The following PTPRK variants were observed in gnomAD, a reference collection of about 807,000 sequenced individuals.
PTPRK encodes the protein protein tyrosine phosphatase receptor type K, also known as receptor-type tyrosine-protein phosphatase kappa.
PTPRK carries 75 observed loss-of-function variants against 178.0 expected under a neutral mutation model. That is an observed-to-expected ratio of 0.42 (90% CI 0.35 to 0.51). The LOEUF (loss-of-function observed/expected upper bound fraction) is 0.51, where lower values mean the gene tolerates loss of function less well. Ranked by LOEUF, PTPRK falls within the 20% of genes least tolerant of loss-of-function variation. The pLI is 0.02. For missense variants in PTPRK, 1,441 were observed against 1,797.8 expected, an observed-to-expected ratio of 0.80 and a Z score of 3.59; for synonymous variants, 637 against 620.6, an observed-to-expected ratio of 1.03 and a Z score of -0.39.
intron 6 of PTPRK, among the ~76,000 whole-genome samples, chr6:128,213,527 AAACT>A (rs1299542028): frequency 2.0e-5 from 3 of 152,084 alleles, no homozygotes; most frequent in Non-Finnish European, 2.9e-5. Flanking sequence ...AGATAATTCC[AAACT>A]TCCTGTCAAG....
At chr6:128,063,633 A>C (rs1444706003) in intron 13 of PTPRK, 1 of 152,222 alleles carries the variant, frequency 6.6e-6, no homozygotes, top group Non-Finnish European at 1.5e-5. Context: ...TAAAATCCTT[A>C]TACATCGTAT....
At chr6:128,280,868 G>A (rs889074985) in intron 3 of PTPRK, among the ~76,000 whole-genome samples, 5 of 152,020 alleles carry the variant, frequency 3.3e-5, no homozygotes, top group Non-Finnish European at 7.4e-5. Flanking sequence ...TTAGATGTTT[G>A]GGACTTCGAA....
rs534168001 is a variant in PTPRK, at chr6:128,077,642, T to C, written c.1883+1171A>G. Among the ~76,000 whole-genome samples, 8 of 152,186 alleles carry C rather than the reference T, an allele frequency of 5.3e-5. No homozygotes were observed. The East Asian group carries it at 1.2e-3, about 22-fold the overall frequency. Reference sequence around the variant, plus strand: ...TAAACGACTTGATATAAACCAATTATGAAGTGCCTACGTGGATTTCTGTGC... The same window carrying C: ...TAAACGACTTGATATAAACCAATTACGAAGTGCCTACGTGGATTTCTGTGC... On this transcript the variant is annotated intron_variant, in intron 11 of 29. Transcript: ENST00000368226.
At chr6:128,133,229 A>C (rs1794524307) in intron 7 of PTPRK, among the ~76,000 whole-genome samples, 1 of 152,218 alleles carries the variant, frequency 6.6e-6, no homozygotes, top group African/African-American at 2.4e-5. Flanking sequence ...GATGAATAGA[A>C]TGATGTGACT....
At chr6:128,355,927 T>C (rs968249192) in intron 2 of PTPRK, among the ~76,000 whole-genome samples, 9 of 152,238 alleles carry the variant, frequency 5.9e-5, no homozygotes, top group African/African-American at 2.2e-4. Context: ...AGTTTTCCTT[T>C]AGTCATTTTC....
intron 5 of PTPRK, among the ~76,000 whole-genome samples, chr6:128,228,741 A>C (rs1811825240): frequency 1.3e-5 from 2 of 151,988 alleles, no homozygotes; most frequent in African/African-American, 2.4e-5. Flanking sequence ...ACATAATGAA[A>C]GAAAATACCA....
chr6:128,084,575 T>C (rs1028871010), intron 8 of PTPRK, among the ~76,000 whole-genome samples: 3 of 152,196 alleles, frequency 2.0e-5, no homozygotes, highest in African/African-American at 7.2e-5. Flanking sequence ...TATGACCATA[T>C]TTGAAGAGCC....
intron 7 of PTPRK, among the ~76,000 whole-genome samples, chr6:128,134,961 T>A (rs1794794858): frequency 6.6e-6 from 1 of 152,210 alleles, no homozygotes; most frequent in African/African-American, 2.4e-5. Flanking sequence ...GACTCTAGAC[T>A]GCCTTCAGAC....
At chr6:128,014,009 A>T (rs1779331700) in intron 13 of PTPRK, among the ~76,000 whole-genome samples, 1 of 151,596 alleles carries the variant, frequency 6.6e-6, no homozygotes, top group Admixed American at 6.6e-5. Flanking sequence ...TATTTTGCTC[A>T]CCATTGAATT....
At chr6:128,170,969 C>T (rs968193253) in intron 7 of PTPRK, among the ~76,000 whole-genome samples, 1 of 151,414 alleles carries the variant, frequency 6.6e-6, no homozygotes, top group South Asian at 2.1e-4. Flanking sequence ...TGCAAATACA[C>T]AGTTTAGAAA....
chr6:128,122,686 G>A lies in PTPRK; in HGVS notation c.1163-32694C>T, dbSNP rs552498017. Among the ~76,000 whole-genome samples the A allele has an allele frequency of 2.0e-5, 3 of 152,296 alleles. No homozygotes were observed. The South Asian group carries it at 6.2e-4, about 32-fold the overall frequency. ...TAGGCAAGTTTCTTCACTACTCAGT[G>A]CTTTGGTTTTATCACCTACAAATGA... is the stretch of plus-strand genomic sequence containing the variant. On this transcript the variant is annotated intron_variant, in intron 7 of 29. Coordinates refer to ENST00000368226, the MANE Select transcript of PTPRK (RefSeq NM_002844.4).
intron 1 of PTPRK, among the ~76,000 whole-genome samples, chr6:128,449,114 C>A (rs1847429640): frequency 6.6e-6 from 1 of 152,254 alleles, no homozygotes; most frequent in Non-Finnish European, 1.5e-5. Context: ...CCCGCCTCGG[C>A]CTCCCAAAGT....
chr6:128,489,479 C>A (rs780404677), intron 1 of PTPRK, among the ~76,000 whole-genome samples: 2 of 152,060 alleles, frequency 1.3e-5, no homozygotes, highest in African/African-American at 2.4e-5. Context: ...TATGCTCCGG[C>A]CTGAATCATG....
chr6:128,029,720 A>G (rs1001284588), intron 13 of PTPRK, among the ~76,000 whole-genome samples: 6 of 151,136 alleles, frequency 4.0e-5, no homozygotes, highest in African/African-American at 1.5e-4. Flanking sequence ...ATAGCAATGC[A>G]AGGACTAACT....
intron 3 of PTPRK, among the ~76,000 whole-genome samples, chr6:128,317,388 T>A (rs1042421067): frequency 6.6e-6 from 1 of 152,108 alleles, no homozygotes; most frequent in Non-Finnish European, 1.5e-5. Flanking sequence ...GCCTGTTTAG[T>A]CAGTGATCCA....
intron 1 of PTPRK, among the ~76,000 whole-genome samples, chr6:128,423,726 G>T (rs913353834): frequency 2.6e-5 from 4 of 152,040 alleles, no homozygotes; most frequent in African/African-American, 9.7e-5. Context: ...TACACGGGAG[G>T]CTGAGGCAGG....
At chr6:128,192,515 TGCC>T (rs1470002329) in intron 6 of PTPRK, among the ~76,000 whole-genome samples, 2 of 152,066 alleles carry the variant, frequency 1.3e-5, no homozygotes, top group Non-Finnish European at 2.9e-5. Context: ...AAGTTACCCA[TGCC>T]ACCGTAAGAA....
chr6:128,283,347 G>A (rs1245911729), intron 3 of PTPRK, among the ~76,000 whole-genome samples: 2 of 152,130 alleles, frequency 1.3e-5, no homozygotes, highest in Non-Finnish European at 2.9e-5. Flanking sequence ...AAACCAAGGA[G>A]CAAAAGTGAT....
rs1370170994 is a variant in PTPRK at position 128,322,122 on chromosome 6, T to C, written c.412A>G (p.Ile138Val). The change falls in exon 3 of 30, where the codon ATT (isoleucine) becomes GTT (valine). Residue 138 changes from isoleucine to valine, a missense_variant. By Grantham distance (29) the Ile-to-Val change is conservative (BLOSUM62 3). Coordinates refer to ENST00000368226, the MANE Select transcript of PTPRK (RefSeq NM_002844.4). ...RVNKGPLANP[I>V]WNVTGFTGRD... The stretch of plus-strand genomic sequence containing the variant: ...CCCGTGAATCCAGTCACATTCCAAA[T>C]TGGATTGGCAAGAGGTCCTTTATTC... 3 of 1,613,894 alleles carry C rather than the reference T, an allele frequency of 1.9e-6. No homozygotes were observed. The highest frequency in any genetic ancestry group is 1.7e-5 in the Admixed American group (1 of 59,968).
Sources: allele counts gnomAD v4.1 joint callset (sites outside exome capture counted in the v4.1 genomes callset), GRCh38; gene constraint gnomAD v4.1.1; transcripts MANE v1.5; gene names NCBI Gene and HGNC (gene_info 2026-07-23, HGNC 2026-07-21).